Variants in CHST9 observed in about 807,000 individuals in gnomAD.
The protein encoded by CHST9 is carbohydrate sulfotransferase 9, also known as GalNAc-4-sulfotransferase 2.
In CHST9, 41 loss-of-function variants were observed where a neutral mutation model predicts 44.4. The observed-to-expected ratio is 0.92, with a 90% confidence interval of 0.72 to 1.20. The LOEUF (loss-of-function observed/expected upper bound fraction) is 1.20. Among genes scored for constraint, CHST9 ranks in the 50% most tolerant of loss-of-function variants. CHST9 has a pLI of 0.00. For missense variants in CHST9, 504 were observed against 516.5 expected (o/e 0.98, Z 0.23); for synonymous variants, 171 against 178.4 (o/e 0.96, Z 0.33).
intron 1 of CHST9, among the ~76,000 whole-genome samples, chr18:27,165,090 G>C (rs748306992): frequency 9.9e-5 from 15 of 152,188 alleles, no homozygotes; most frequent in Non-Finnish European, 2.1e-4. Flanking sequence ...CTGTGTAACA[G>C]GTGTAGAGAG....
rs919033387 is a variant in CHST9, at chr18:26,914,789, C to G, written c.*1470G>C. The stretch of plus-strand genomic sequence containing the variant: ...ATTAACATTCAACTATTAATACCTA[C>G]TGTTCTTTGAAAGCCATTACTGAAT... On this transcript the variant is annotated 3_prime_UTR_variant, in exon 6 of 6. Transcript: ENST00000618847. 5.1e-6 allele frequency: 2 copies of G among 395,088 alleles called. No individual in the cohort carries two copies. Among genetic ancestry groups the G allele is most frequent in the Non-Finnish European group, 8.9e-6 (2 of 224,044 alleles). 24.5% of individuals were successfully genotyped at this position (395,088 alleles called of 1,614,324 possible). A position where few individuals can be genotyped will look rare whatever the true frequency, so the allele number is the denominator to read the frequency against.
rs766261374 is a variant in CHST9 at position 27,024,159 on chromosome 18, T to C, written c.161-2A>G. On this transcript the variant is annotated splice_acceptor_variant, in intron 3 of 5. Coordinates refer to ENST00000618847, the MANE Select transcript of CHST9 (RefSeq NM_031422.6). LOFTEE classifies it high-confidence loss of function. ...GCAAGTACTTCACTGGTCCCCATCC[T>C]GAAAAAGAAGAGGAAAGAAATTCAT... 6 of 1,609,018 alleles carry C rather than the reference T, an allele frequency of 3.7e-6. No individual in the cohort carries two copies. The East Asian group carries it at 1.1e-4, about 30-fold the overall frequency.
At chr18:27,053,452 C>T (rs1283604736) in intron 2 of CHST9, among the ~76,000 whole-genome samples, 1 of 152,058 alleles carries the variant, frequency 6.6e-6, no homozygotes, top group Non-Finnish European at 1.5e-5. Flanking sequence ...CTCCTTCTTC[C>T]CATCTAATCT....
chr18:26,924,063 G>C (rs756480890), intron 5 of CHST9, among the ~76,000 whole-genome samples: 11 of 152,158 alleles, frequency 7.2e-5, no homozygotes, highest in Non-Finnish European at 7.4e-5. Context: ...CCATATATAT[G>C]ATGGGGATTT....
chr18:27,074,421 C>G (rs1330722299), intron 2 of CHST9, among the ~76,000 whole-genome samples: 1 of 152,016 alleles, frequency 6.6e-6, no homozygotes, highest in African/African-American at 2.4e-5. Flanking sequence ...AATGAGAGTG[C>G]CTTTAAAATT....
chr18:27,130,557 T>C (rs576088335), intron 2 of CHST9, among the ~76,000 whole-genome samples: 4 of 152,298 alleles, frequency 2.6e-5, no homozygotes, highest in African/African-American at 7.2e-5. Context: ...TATGGAAGCA[T>C]AGAATTTTGA....
chr18:27,157,883 T>G (rs2058710279), intron 1 of CHST9, among the ~76,000 whole-genome samples: 1 of 152,144 alleles, frequency 6.6e-6, no homozygotes, highest in Non-Finnish European at 1.5e-5. Context: ...ATAATTTTAG[T>G]GTTATGAATA....
intron 1 of CHST9, among the ~76,000 whole-genome samples, chr18:27,168,361 ACCGCGCCCAGCCTATACC>A (rs1160075045): frequency 6.6e-6 from 1 of 152,154 alleles, no homozygotes; most frequent in Non-Finnish European, 1.5e-5. Flanking sequence ...AGCGTGAGCC[ACCGCGCCCAGCCTATACC>A]TATGTTTTAT....
At position 26,912,934 on chromosome 18, in the gene CHST9, T is replaced by C. The variant is rs1035024558; in HGVS notation, c.*3325A>G. On this transcript the variant is annotated 3_prime_UTR_variant, in exon 6 of 6. Transcript: ENST00000618847. ...TCCTTTTTCAAGTATCAGAGCATCT[T>C]GGGAGGGTTAGCCCTGGGCAAAACA... The C allele has an allele frequency of 1.3e-5, 2 of 152,190 alleles. No individual in the cohort carries two copies. The highest frequency in any genetic ancestry group is 4.8e-5 in the African/African-American group (2 of 41,434). 9.4% of individuals were successfully genotyped at this position (152,190 alleles called of 1,614,324 possible).
Position 27,182,958 on chromosome 18 carries a change from C to T in CHST9, c.-97+2178G>A, listed in dbSNP as rs145662560. ...TCTTCCTTGGAAGATGTTACATTCT[C>T]CTGGAAACCATACTAAGTTTCTGAA... On this transcript the variant is annotated intron_variant, in intron 1 of 5. Coordinates refer to ENST00000618847, the MANE Select transcript of CHST9 (RefSeq NM_031422.6). 3.9e-3 allele frequency among the ~76,000 whole-genome samples: 595 copies of T among 152,210 alleles called. 7 individuals are homozygous for T. The highest frequency in any genetic ancestry group is 0.014 in the African/African-American group (569 of 41,520).
rs1328413910 is a variant in CHST9 at position 26,911,317 on chromosome 18, A to G, written c.*4942T>C. ...CTCTTGGAAGACCTAAGACATTCCA[A>G]TGACAACAACAGATATTTTATATTC... On this transcript the variant is annotated 3_prime_UTR_variant, in exon 6 of 6. Transcript: ENST00000618847. The G allele has an allele frequency of 1.3e-5, 2 of 152,240 alleles. No homozygotes were observed. The highest frequency in any genetic ancestry group is 2.9e-5 in the Non-Finnish European group (2 of 68,046). 9.4% of individuals were successfully genotyped at this position (152,240 alleles called of 1,614,324 possible). A position where few individuals can be genotyped will look rare whatever the true frequency, so the allele number is the denominator to read the frequency against.
intron 4 of CHST9, among the ~76,000 whole-genome samples, chr18:26,953,708 G>T (rs555137214): frequency 6.6e-6 from 1 of 152,306 alleles, no homozygotes; most frequent in East Asian, 1.9e-4. Flanking sequence ...AATACTGTTT[G>T]ATCAGCTGTC....
In CHST9 at chr18:27,101,580, G is replaced by A. The variant is rs886335127; in HGVS notation, c.121+41109C>T. Among the ~76,000 whole-genome samples the A allele has an allele frequency of 5.9e-5, 9 of 151,674 alleles. 1 individual carries two copies. Among genetic ancestry groups the A allele is most frequent in the Admixed American group, 3.9e-4 (6 of 15,234 alleles). On this transcript the variant is annotated intron_variant, in intron 2 of 5. Coordinates refer to ENST00000618847, the MANE Select transcript of CHST9 (RefSeq NM_031422.6). Reference sequence around the variant, plus strand: ...AGCCGAGATTGCGCCACTGCAGTCCGGCCTGGGTGAAAGAGCGAGACTCTG... The same window carrying A: ...AGCCGAGATTGCGCCACTGCAGTCCAGCCTGGGTGAAAGAGCGAGACTCTG...
At position 27,092,778 on chromosome 18, in the gene CHST9, G is replaced by A. The variant is rs149744491; in HGVS notation, c.122-44275C>T. Among the ~76,000 whole-genome samples, 371 of 152,262 alleles carry A rather than the reference G, an allele frequency of 2.4e-3. 1 individual carries two copies. Among genetic ancestry groups the A allele is most frequent in the Middle Eastern group, 6.8e-3 (2 of 294 alleles). On this transcript the variant is annotated intron_variant, in intron 2 of 5. Transcript: ENST00000618847. ...GTTTTGAGTGAGTCCTGGATCCTGC[G>A]TTCTAGTTTGATTGCACTGTGGTCT...
chr18:27,093,881 CTT>C lies in CHST9; in HGVS notation c.122-45380_122-45379del, dbSNP rs11296129. Among the ~76,000 whole-genome samples, 117 of 147,328 alleles carry C rather than the reference CTT, an allele frequency of 7.9e-4. 1 individual carries two copies. The highest frequency in any genetic ancestry group is 7.1e-3 in the Middle Eastern group (2 of 280). The stretch of plus-strand genomic sequence containing the variant: ...GTTCCTCTTCAGCCACCTTCCCTTC[CTT>C]TTTTTTTTTTCTTTTTTTAAACAAA... On this transcript the variant is annotated intron_variant, in intron 2 of 5. Transcript: ENST00000618847.
intron 4 of CHST9, among the ~76,000 whole-genome samples, chr18:27,011,136 T>C (rs2057078949): frequency 6.6e-6 from 1 of 152,150 alleles, no homozygotes; most frequent in East Asian, 1.9e-4. Context: ...TTTTGGGTAA[T>C]TAGTGACATG....
intron 3 of CHST9, among the ~76,000 whole-genome samples, chr18:27,044,198 C>T (rs1244442423): frequency 6.6e-6 from 1 of 152,066 alleles, no homozygotes; most frequent in African/African-American, 2.4e-5. Context: ...GCACTCTTCA[C>T]ACCATGTTGT....
At chr18:27,158,054 T>C (rs2058711666) in intron 1 of CHST9, among the ~76,000 whole-genome samples, 1 of 152,066 alleles carries the variant, frequency 6.6e-6, no homozygotes, top group Non-Finnish European at 1.5e-5. Flanking sequence ...AAAATATAGA[T>C]AAGGGAAGGG....
chr18:26,948,883 G>C (rs1252086753), intron 4 of CHST9, among the ~76,000 whole-genome samples: 1 of 152,132 alleles, frequency 6.6e-6, no homozygotes, highest in Non-Finnish European at 1.5e-5. Context: ...GTGTGTGTGG[G>C]TGAATCGTGA....
Sources: allele counts gnomAD v4.1 joint callset (sites outside exome capture counted in the v4.1 genomes callset), GRCh38; gene constraint gnomAD v4.1.1; transcripts MANE v1.5; gene names NCBI Gene and HGNC (gene_info 2026-07-23, HGNC 2026-07-21).